RBFOX1: variants seen among roughly 807,000 people sequenced by gnomAD.
RBFOX1 encodes the protein RNA binding protein fox-1 homolog 1.
RBFOX1 carries 8 observed loss-of-function variants against 57.7 expected under a neutral mutation model. That is an observed-to-expected ratio of 0.14 (90% CI 0.08 to 0.25). The LOEUF (loss-of-function observed/expected upper bound fraction) is 0.25, where lower values mean the gene tolerates loss of function less well. Among genes scored for constraint, RBFOX1 ranks in the 10% least tolerant of loss-of-function variants. The probability of loss-of-function intolerance (pLI) is 1.00; values close to 1 mark genes in which losing one functional copy is unlikely to be tolerated. For missense variants in RBFOX1, 611 were observed against 548.5 expected (o/e 1.11, Z -1.14); for synonymous variants, 326 against 222.4 (o/e 1.47, Z -4.15).
chr16:7,385,052 G>A (rs1398886839), intron 4 of RBFOX1, among the ~76,000 whole-genome samples: 1 of 152,194 alleles, frequency 6.6e-6, no homozygotes. Context: ...TAAGAGGAGA[G>A]GACCTTGGAA....
chr16:6,363,160 A>G (rs531918754), intron 2 of RBFOX1, among the ~76,000 whole-genome samples: 26 of 152,308 alleles, frequency 1.7e-4, no homozygotes, highest in African/African-American at 5.1e-4. Context: ...CTTCAAAAGC[A>G]TTTTTTATTT....
At chr16:5,974,382 G>A (rs1211562384) in intron 4 of RBFOX1, among the ~76,000 whole-genome samples, 2 of 152,122 alleles carry the variant, frequency 1.3e-5, no homozygotes, top group Admixed American at 6.5e-5. Flanking sequence ...GCCGAGGCGG[G>A]TAGATCATTT....
intron 3 of RBFOX1, among the ~76,000 whole-genome samples, chr16:5,678,815 T>C (rs1179622083): frequency 6.6e-6 from 1 of 152,254 alleles, no homozygotes; most frequent in Non-Finnish European, 1.5e-5. Context: ...CAACCCGCTG[T>C]TCTAGCACGT....
chr16:5,531,028 G>A (rs866758100), intron 2 of RBFOX1, among the ~76,000 whole-genome samples: 1 of 151,552 alleles, frequency 6.6e-6, no homozygotes, highest in Admixed American at 6.6e-5. Context: ...GGGAGGCTGA[G>A]GCAGGAGAAT....
At chr16:6,293,980 T>C (rs1292263729) in intron 1 of RBFOX1, among the ~76,000 whole-genome samples, 1 of 152,164 alleles carries the variant, frequency 6.6e-6, no homozygotes, top group Non-Finnish European at 1.5e-5. Context: ...AATAAAGATG[T>C]AATGTTTGCC....
At chr16:6,620,577 AC>A (rs1409915515) in intron 2 of RBFOX1, among the ~76,000 whole-genome samples, 3 of 152,110 alleles carry the variant, frequency 2.0e-5, no homozygotes, top group Non-Finnish European at 4.4e-5. Flanking sequence ...TTAAACAACA[AC>A]AATAACAACA....
At chr16:6,261,043 T>TATC (rs1379985873) in intron 1 of RBFOX1, among the ~76,000 whole-genome samples, 1 of 152,326 alleles carries the variant, frequency 6.6e-6, no homozygotes, top group Admixed American at 6.5e-5. Context: ...CTTAGAGTGC[T>TATC]ATCATCAACT....
rs187978102 is a variant in RBFOX1, at chr16:6,891,610, C to G, written c.-15-160447C>G. On this transcript the variant is annotated intron_variant, in intron 3 of 15. Coordinates refer to ENST00000550418, the MANE Select transcript of RBFOX1 (RefSeq NM_018723.4). The stretch of plus-strand genomic sequence containing the variant: ...ATTCCTCAGCACCATTGTTCCAAAT[C>G]ACTGAAGCTGGCAGCATTCCTTTCC... Among the ~76,000 whole-genome samples the G allele has an allele frequency of 1.9e-3, 290 of 152,338 alleles. 1 individual carries two copies. Among genetic ancestry groups the G allele is most frequent in the African/African-American group, 6.2e-3 (258 of 41,588 alleles).
intron 1 of RBFOX1, among the ~76,000 whole-genome samples, chr16:6,119,739 G>A (rs1180011434): frequency 1.3e-5 from 2 of 152,242 alleles, no homozygotes; most frequent in East Asian, 3.9e-4. Flanking sequence ...GTGACCCTAA[G>A]CAATCCTCCC....
At chr16:6,138,636 G>C (rs1284252320) in intron 1 of RBFOX1, among the ~76,000 whole-genome samples, 1 of 152,028 alleles carries the variant, frequency 6.6e-6, no homozygotes, top group Non-Finnish European at 1.5e-5. Flanking sequence ...CGGAGGCTGA[G>C]GCGGACAGAT....
In RBFOX1 at chr16:7,713,294, A is replaced by ACC. The variant is rs2084267113; in HGVS notation, c.*2549_*2550insCC. 1.3e-5 allele frequency: 2 copies of ACC among 152,238 alleles called. No individual in the cohort carries two copies. The highest frequency in any genetic ancestry group is 2.9e-5 in the Non-Finnish European group (2 of 68,048). The allele number at this position is 152,238 out of a possible 1,614,324, so 9.4% of individuals were successfully genotyped here. On this transcript the variant is annotated 3_prime_UTR_variant, in exon 16 of 16. Transcript: ENST00000550418. The stretch of plus-strand genomic sequence containing the variant: ...CTTACAGTGGTTTGTGAATAAAGAA[A>ACC]ACTGGTTTGTAATATCAAAAAAATA...
At chr16:6,092,040 C>T (rs79954511) in intron 1 of RBFOX1, among the ~76,000 whole-genome samples, 366 of 152,244 alleles carry the variant, frequency 2.4e-3, no homozygotes, top group African/African-American at 8.2e-3. Flanking sequence ...CCTATCCATC[C>T]GTCCTCCTTG....
intron 4 of RBFOX1, among the ~76,000 whole-genome samples, chr16:7,438,564 T>C (rs1252170534): frequency 1.3e-5 from 2 of 152,174 alleles, no homozygotes; most frequent in African/African-American, 4.8e-5. Context: ...TCCTCACTCA[T>C]TTGTAAACCT....
At chr16:6,878,732 C>T (rs1010458939) in intron 3 of RBFOX1, among the ~76,000 whole-genome samples, 4 of 152,098 alleles carry the variant, frequency 2.6e-5, no homozygotes, top group Admixed American at 2.6e-4. Flanking sequence ...AAATGGAAAC[C>T]TGATATATCC....
At chr16:5,651,925 G>C (rs1456962525) in intron 3 of RBFOX1, among the ~76,000 whole-genome samples, 1 of 152,128 alleles carries the variant, frequency 6.6e-6, no homozygotes, top group Non-Finnish European at 1.5e-5. Context: ...TTGAGGTCAG[G>C]AGTTCAAGAC....
intron 3 of RBFOX1, among the ~76,000 whole-genome samples, chr16:5,726,380 G>T (rs531139235): frequency 2.6e-5 from 4 of 152,076 alleles, no homozygotes; most frequent in Non-Finnish European, 2.9e-5. Flanking sequence ...TGAATGGCCC[G>T]CATCTACTAA....
chr16:7,254,452 C>A (rs575371899), intron 4 of RBFOX1, among the ~76,000 whole-genome samples: 2 of 152,046 alleles, frequency 1.3e-5, no homozygotes, highest in Non-Finnish European at 2.9e-5. Flanking sequence ...AAACAAGCTG[C>A]GGTCTCTAAA....
intron 3 of RBFOX1, among the ~76,000 whole-genome samples, chr16:6,657,217 T>G (rs1328439837): frequency 6.6e-6 from 1 of 151,348 alleles, no homozygotes; most frequent in East Asian, 2.0e-4. Context: ...CCTTCCTCCC[T>G]CCTTCCTTCC....
At chr16:5,733,329 C>G (rs1034420616) in intron 3 of RBFOX1, among the ~76,000 whole-genome samples, 3 of 152,134 alleles carry the variant, frequency 2.0e-5, no homozygotes, top group Admixed American at 6.5e-5. Context: ...GTGGACTCAT[C>G]CCTCATCTGG....
Sources: gnomAD v4.1 joint callset for allele counts (sites outside exome capture counted in the v4.1 genomes callset) on GRCh38, gnomAD v4.1.1 for gene constraint, MANE v1.5 for transcripts, NCBI Gene and HGNC (gene_info 2026-07-23, HGNC 2026-07-21) for gene names.